CYRIA: variants seen among roughly 807,000 people sequenced by gnomAD.
The protein encoded by CYRIA is CYFIP related Rac1 interactor A.
Under a neutral mutation model 43.9 loss-of-function variants are expected in CYRIA, and 15 were observed. That is an observed-to-expected ratio of 0.34 (90% confidence interval 0.23 to 0.53). The LOEUF (loss-of-function observed/expected upper bound fraction) is 0.53, where lower values mean the gene tolerates loss of function less well. Among genes scored for constraint, CYRIA ranks in the 20% least tolerant of loss-of-function variants. The pLI, the probability that CYRIA is intolerant of heterozygous loss-of-function variation, is 0.94. For synonymous variants in CYRIA, 117 were observed against 136.0 expected (o/e 0.86, Z 0.97); for missense variants, 236 against 394.2 (o/e 0.60, Z 3.40).
At chr2:16,636,271 A>AC (rs995439680) in intron 1 of CYRIA, among the ~76,000 whole-genome samples, 8 of 151,982 alleles carry the variant, frequency 5.3e-5, no homozygotes. Context: ...CTGACCATAA[A>AC]CCATCCGACT....
intron 3 of CYRIA, among the ~76,000 whole-genome samples, chr2:16,572,078 C>T (rs564341704): frequency 5.3e-5 from 8 of 152,264 alleles, no homozygotes; most frequent in African/African-American, 1.9e-4. Context: ...TTCCTGCAGG[C>T]TGTCTATTTT....
intron 3 of CYRIA, among the ~76,000 whole-genome samples, chr2:16,575,835 C>G (rs933437673): frequency 1.3e-5 from 2 of 151,414 alleles, no homozygotes; most frequent in African/African-American, 2.4e-5. Flanking sequence ...CCACCTGGGC[C>G]ACAGAGCGAG....
intron 3 of CYRIA, 144 bp from the exon 4 acceptor site, chr2:16,565,911 G>C: frequency 1.4e-6 from 1 of 731,870 alleles, no homozygotes; most frequent in Non-Finnish European, 1.9e-6. Flanking sequence ...TAAGCTGCTA[G>C]GATGCTAGGA....
chr2:16,632,105 G>T (rs1033199022), intron 1 of CYRIA, among the ~76,000 whole-genome samples: 5 of 152,220 alleles, frequency 3.3e-5, no homozygotes, highest in Non-Finnish European at 7.3e-5. Context: ...CCATAAGGCC[G>T]GCTAGGAGGC....
chr2:16,574,288 T>C (rs1667246789), intron 3 of CYRIA, among the ~76,000 whole-genome samples: 1 of 152,144 alleles, frequency 6.6e-6, no homozygotes, highest in Admixed American at 6.5e-5. Flanking sequence ...GCATTCAAGA[T>C]GTGATTTGGG....
At chr2:16,617,710 C>T (rs1668852517) in intron 2 of CYRIA, among the ~76,000 whole-genome samples, 1 of 152,214 alleles carries the variant, frequency 6.6e-6, no homozygotes, top group African/African-American at 2.4e-5. Flanking sequence ...TTATCTCCCT[C>T]CAGCGGGGCT....
intron 1 of CYRIA, among the ~76,000 whole-genome samples, chr2:16,662,254 A>T (rs1038238819): frequency 6.6e-6 from 1 of 152,202 alleles, no homozygotes; most frequent in Non-Finnish European, 1.5e-5. Flanking sequence ...GCTTTGTACC[A>T]TGGTTTTAAG....
intron 1 of CYRIA, among the ~76,000 whole-genome samples, chr2:16,651,009 C>G (rs776245751): frequency 3.3e-5 from 5 of 152,128 alleles, no homozygotes; most frequent in Admixed American, 3.3e-4. Context: ...TTTATTTAGA[C>G]GCATTTCAGG....
At chr2:16,599,946 G>A (rs1355642505) in intron 2 of CYRIA, among the ~76,000 whole-genome samples, 2 of 152,034 alleles carry the variant, frequency 1.3e-5, no homozygotes, top group Non-Finnish European at 2.9e-5. Flanking sequence ...GAGTAGAGAC[G>A]GGTTTCACCA....
intron 2 of CYRIA, among the ~76,000 whole-genome samples, chr2:16,614,087 TATCAGA>T (rs1299133484): frequency 6.6e-6 from 1 of 152,228 alleles, no homozygotes; most frequent in Non-Finnish European, 1.5e-5. Flanking sequence ...ACCACAAGCT[TATCAGA>T]ATGAGTTTCT....
chr2:16,576,769 T>C (rs559786472), intron 3 of CYRIA, among the ~76,000 whole-genome samples: 1 of 152,262 alleles, frequency 6.6e-6, no homozygotes, highest in East Asian at 1.9e-4. Flanking sequence ...TTGAGTTGTT[T>C]CCATTTAAAA....
At chr2:16,661,765 C>T (rs1042140470) in intron 1 of CYRIA, among the ~76,000 whole-genome samples, 11 of 152,118 alleles carry the variant, frequency 7.2e-5, no homozygotes, top group Non-Finnish European at 1.3e-4. Context: ...CTGTGTACTA[C>T]GGCACAAAGA....
chr2:16,566,609 CTG>C (rs1666942076), intron 3 of CYRIA, among the ~76,000 whole-genome samples: 1 of 152,118 alleles, frequency 6.6e-6, no homozygotes, highest in Non-Finnish European at 1.5e-5. Context: ...TTGACCATAA[CTG>C]TTACCCACAA....
intron 1 of CYRIA, among the ~76,000 whole-genome samples, chr2:16,643,910 C>T (rs1669746724): frequency 6.6e-6 from 1 of 152,202 alleles, no homozygotes; most frequent in Admixed American, 6.5e-5. Context: ...CCATCATTAG[C>T]CCCAGTGCCA....
intron 3 of CYRIA, among the ~76,000 whole-genome samples, chr2:16,569,062 C>T (rs1558405869): frequency 6.6e-6 from 1 of 152,204 alleles, no homozygotes; most frequent in Admixed American, 6.5e-5. Flanking sequence ...GAAAAAGGTA[C>T]TGGCACTAGA....
rs533025574 is a variant in CYRIA, at chr2:16,630,894, C to T, written c.-166-6875G>A. Among the ~76,000 whole-genome samples, 226 of 152,304 alleles carry T rather than the reference C, an allele frequency of 1.5e-3. 2 individuals carry two copies. Among genetic ancestry groups the T allele is most frequent in the African/African-American group, 5.1e-3 (213 of 41,564 alleles). On this transcript the variant is annotated intron_variant, in intron 1 of 11. Coordinates refer to ENST00000381323, the MANE Select transcript of CYRIA (RefSeq NM_030797.4). Reference sequence around the variant, plus strand: ...ACCTTAAGCAGGTTTGAGATGTCAGCGGCTGACAGCCTGCCTTGTCTCCAT... The same window carrying T: ...ACCTTAAGCAGGTTTGAGATGTCAGTGGCTGACAGCCTGCCTTGTCTCCAT...
chr2:16,572,943 C>CATCTT (rs1435664824), intron 3 of CYRIA, among the ~76,000 whole-genome samples: 15 of 152,170 alleles, frequency 9.9e-5, no homozygotes, highest in African/African-American at 3.1e-4. Context: ...CATGTGCTTA[C>CATCTT]ATCTTATCTC....
intron 3 of CYRIA, among the ~76,000 whole-genome samples, chr2:16,565,999 C>T (rs1229890816): frequency 6.6e-6 from 1 of 152,142 alleles, no homozygotes; most frequent in Non-Finnish European, 1.5e-5. Flanking sequence ...AAAACAAGCA[C>T]ACAGGAGTCA....
rs76025921 is a variant in CYRIA, at chr2:16,591,608, T to G, written c.-10-3479A>C. Among the ~76,000 whole-genome samples, 237 of 152,234 alleles carry G rather than the reference T, an allele frequency of 1.6e-3. 1 individual carries two copies. Among genetic ancestry groups the G allele is most frequent in the African/African-American group, 5.6e-3 (231 of 41,550 alleles). ...AGAGTAGCTTGGTTAGGGTGTACTCTGAAGGGCTGGGAACTCCGGTTTCTA... is the reference window on the plus strand; with the variant it reads ...AGAGTAGCTTGGTTAGGGTGTACTCGGAAGGGCTGGGAACTCCGGTTTCTA... On this transcript the variant is annotated intron_variant, in intron 2 of 11. Transcript: ENST00000381323.
Sources: gnomAD v4.1 joint callset for allele counts (sites outside exome capture counted in the v4.1 genomes callset) on GRCh38, gnomAD v4.1.1 for gene constraint, MANE v1.5 for transcripts, NCBI Gene and HGNC (gene_info 2026-07-23, HGNC 2026-07-21) for gene names.